Variants in GOLM1 observed in about 807,000 individuals in gnomAD.
The protein encoded by GOLM1 is golgi membrane protein 1.
A neutral mutation model predicts 50.5 loss-of-function variants in GOLM1; 31 were observed. The observed-to-expected ratio is 0.61, with a 90% CI of 0.46 to 0.83. The LOEUF is 0.83. GOLM1 is among the 40% of genes least tolerant of loss of function. The pLI, the probability that GOLM1 is intolerant of heterozygous loss-of-function variation, is 0.00. For missense variants in GOLM1, 491 were observed against 501.3 expected, an observed-to-expected ratio of 0.98 and a Z score of 0.20; for synonymous variants, 178 against 192.8, an observed-to-expected ratio of 0.92 and a Z score of 0.64.
chr9:86,089,134 G>A (rs918260868), intron 1 of GOLM1, among the ~76,000 whole-genome samples: 1 of 152,208 alleles, frequency 6.6e-6, no homozygotes, highest in African/African-American at 2.4e-5. Flanking sequence ...TCTGCTGTTA[G>A]TCTGATGGGC....
chr9:86,030,218 C>CAAAAAAAAAAATAAAAAAAAAAAAAA (rs1832929127), intron 9 of GOLM1, among the ~76,000 whole-genome samples: 1 of 73,442 alleles, frequency 1.4e-5, no homozygotes. Flanking sequence ...GACTCTGTCT[C>CAAAAAAAAAAATAAAAAAAAAAAAAA]AAAAAAAAAA....
chr9:86,052,854 G>A (rs113693156), intron 3 of GOLM1, among the ~76,000 whole-genome samples: 1 of 121,170 alleles, frequency 8.3e-6, no homozygotes, highest in African/African-American at 3.3e-5. Flanking sequence ...AGGAAACGCT[G>A]CTCCTCCAGG....
At chr9:86,038,483 C>G (rs1478600949) in intron 6 of GOLM1, among the ~76,000 whole-genome samples, 1 of 152,156 alleles carries the variant, frequency 6.6e-6, no homozygotes, top group African/African-American at 2.4e-5. Context: ...TCTAGACTTC[C>G]ACGTGGGAGA....
At chr9:86,033,965 CT>C (rs36119587) in intron 8 of GOLM1, among the ~76,000 whole-genome samples, 5,173 of 138,340 alleles carry the variant, frequency 0.037, 73 homozygotes, top group East Asian at 0.052. Context: ...TAAACAAAAT[CT>C]TTTTTTTTTT....
intron 3 of GOLM1, among the ~76,000 whole-genome samples, chr9:86,072,276 AT>A (rs1248798581): frequency 6.6e-6 from 1 of 152,180 alleles, no homozygotes; most frequent in East Asian, 1.9e-4. Flanking sequence ...GCTTTAAATA[AT>A]ATCTGGGTGA....
chr9:86,060,975 T>G (rs1224586781), intron 3 of GOLM1, among the ~76,000 whole-genome samples: 1 of 143,338 alleles, frequency 7.0e-6, no homozygotes, highest in African/African-American at 2.5e-5. Flanking sequence ...ATACTTGACA[T>G]GAGGAATTCC....
chr9:86,070,285 T>C (rs982756894), intron 3 of GOLM1, among the ~76,000 whole-genome samples: 10 of 152,172 alleles, frequency 6.6e-5, no homozygotes, highest in African/African-American at 2.4e-4. Flanking sequence ...TAAACATTGA[T>C]TATTTTCACC....
chr9:86,040,156 T>C (rs1256549133), intron 6 of GOLM1, among the ~76,000 whole-genome samples: 1 of 152,090 alleles, frequency 6.6e-6, no homozygotes, highest in Admixed American at 6.5e-5. Flanking sequence ...GTTCTGAAAT[T>C]GACTGTGGTG....
At chr9:86,088,581 T>C (rs1247822591) in intron 1 of GOLM1, among the ~76,000 whole-genome samples, 1 of 149,190 alleles carries the variant, frequency 6.7e-6, no homozygotes, top group Non-Finnish European at 1.5e-5. Context: ...TGTTTTTTTT[T>C]TTTTTTTGTT....
In GOLM1 at chr9:86,047,846, G is replaced by A. The variant is rs190333648; in HGVS notation, c.365-1274C>T. ...GGCAGGCAAAAAATGATAACAGATG[G>A]TCTGATTCCATCTGTATGCATGTAC... On this transcript the variant is annotated intron_variant, in intron 4 of 9. Transcript: ENST00000388712. 1.2e-4 allele frequency among the ~76,000 whole-genome samples: 18 copies of A among 152,148 alleles called. No individual in the cohort carries two copies. The East Asian group carries it at 3.1e-3, about 26-fold the overall frequency.
At chr9:86,080,448 G>A (rs1172548024) in intron 1 of GOLM1, among the ~76,000 whole-genome samples, 2 of 152,126 alleles carry the variant, frequency 1.3e-5, no homozygotes, top group Admixed American at 6.5e-5. Flanking sequence ...TTTTACACCA[G>A]GGGTGTCTAG....
intron 3 of GOLM1, among the ~76,000 whole-genome samples, chr9:86,059,457 G>T (rs1342473165): frequency 1.3e-5 from 2 of 152,126 alleles, no homozygotes; most frequent in Non-Finnish European, 2.9e-5. Flanking sequence ...CAAAGGCCAC[G>T]TACTGCATGA....
At chr9:86,046,159 G>A (rs1279908099) in intron 5 of GOLM1, among the ~76,000 whole-genome samples, 1 of 152,196 alleles carries the variant, frequency 6.6e-6, no homozygotes, top group Admixed American at 6.5e-5. Context: ...CAACGAATTT[G>A]ATTTAGCTCA....
At chr9:86,062,371 A>T (rs1453709556) in intron 3 of GOLM1, among the ~76,000 whole-genome samples, 1 of 150,996 alleles carries the variant, frequency 6.6e-6, no homozygotes, top group East Asian at 2.0e-4. Context: ...GGCACACTGC[A>T]GGTGCTTTGG....
chr9:86,026,745 G>A lies in GOLM1; in HGVS notation c.*1072C>T. ...TAATGCCATTGTTATTGTGAATTAG[G>A]ATTAAGTAGTAATTTTCAAAATTCA... On this transcript the variant is annotated 3_prime_UTR_variant, in exon 10 of 10. Transcript: ENST00000388712. The A allele has an allele frequency of 1.0e-6, 1 of 982,700 alleles. No homozygotes were observed. The highest frequency in any genetic ancestry group is 1.2e-6 in the Non-Finnish European group (1 of 827,514). The allele number at this position is 982,700 out of a possible 1,614,324, so 60.9% of individuals were successfully genotyped here.
At chr9:86,044,089 G>A (rs1289383111) in intron 5 of GOLM1, among the ~76,000 whole-genome samples, 1 of 152,216 alleles carries the variant, frequency 6.6e-6, no homozygotes, top group Non-Finnish European at 1.5e-5. Flanking sequence ...GTGGGAAGCT[G>A]TCTTGTGGAT....
chr9:86,039,749 C>T (rs1004891136), intron 6 of GOLM1, among the ~76,000 whole-genome samples: 4 of 152,128 alleles, frequency 2.6e-5, no homozygotes, highest in African/African-American at 9.7e-5. Flanking sequence ...GGGTGGATCA[C>T]TTGAGGTCAG....
At chr9:86,070,646 C>G (rs1448320187) in intron 3 of GOLM1, among the ~76,000 whole-genome samples, 1 of 152,110 alleles carries the variant, frequency 6.6e-6, no homozygotes, top group African/African-American at 2.4e-5. Context: ...AAACAGCATT[C>G]AAGCTGCTAA....
intron 2 of GOLM1, 24 bp from the exon 3 acceptor site, chr9:86,077,615 G>A (rs772744737): frequency 1.6e-5 from 26 of 1,584,160 alleles, no homozygotes; most frequent in Middle Eastern, 2.0e-4. Context: ...GTGGCATTAG[G>A]GCTGATGCCA....
Sources: gnomAD v4.1 joint callset for allele counts (sites outside exome capture counted in the v4.1 genomes callset) on GRCh38, gnomAD v4.1.1 for gene constraint, MANE v1.5 for transcripts, NCBI Gene and HGNC (gene_info 2026-07-23, HGNC 2026-07-21) for gene names.